The following KCNIP4 variants were observed in gnomAD, a reference collection of about 807,000 sequenced individuals.
KCNIP4 encodes Kv channel-interacting protein 4.
Under a neutral mutation model 34.0 loss-of-function variants are expected in KCNIP4, and 12 were observed. That is an observed-to-expected ratio of 0.35 (90% confidence interval 0.23 to 0.57). KCNIP4 has a LOEUF of 0.57. KCNIP4 is among the 20% of genes least tolerant of loss of function. The pLI, the probability that KCNIP4 is intolerant of heterozygous loss-of-function variation, is 0.83. For synonymous variants in KCNIP4, 124 were observed against 102.2 expected, an observed-to-expected ratio of 1.21 and a Z score of -1.29; for missense variants, 238 against 311.7, an observed-to-expected ratio of 0.76 and a Z score of 1.78.
intron 1 of KCNIP4, among the ~76,000 whole-genome samples, chr4:21,855,389 C>T (rs938829633): frequency 6.6e-6 from 1 of 152,192 alleles, no homozygotes; most frequent in African/African-American, 2.4e-5. Context: ...AGTGTCTAAA[C>T]CGCTGAAGCT....
intron 4 of KCNIP4, among the ~76,000 whole-genome samples, chr4:20,756,603 C>T (rs1386234565): frequency 6.6e-6 from 1 of 151,884 alleles, no homozygotes; most frequent in African/African-American, 2.4e-5. Context: ...CTGTTTTCTT[C>T]TCATCGTCCT....
chr4:21,302,706 C>T (rs1024674429), intron 1 of KCNIP4, among the ~76,000 whole-genome samples: 1 of 152,056 alleles, frequency 6.6e-6, no homozygotes, highest in Non-Finnish European at 1.5e-5. Context: ...CCGCCTCCTG[C>T]GCCCTGCATC....
At chr4:21,677,380 T>G (rs1178028462) in intron 1 of KCNIP4, among the ~76,000 whole-genome samples, 1 of 152,194 alleles carries the variant, frequency 6.6e-6, no homozygotes, top group African/African-American at 2.4e-5. Context: ...TCACAGAAGG[T>G]TCCTCACTGG....
At chr4:21,419,080 G>A (rs902368872) in intron 1 of KCNIP4, among the ~76,000 whole-genome samples, 5 of 152,144 alleles carry the variant, frequency 3.3e-5, no homozygotes, top group African/African-American at 1.2e-4. Flanking sequence ...AATGCACTAT[G>A]CATGGAATAC....
intron 1 of KCNIP4, among the ~76,000 whole-genome samples, chr4:21,300,378 G>C (rs1711542717): frequency 6.6e-6 from 1 of 152,114 alleles, no homozygotes; most frequent in Admixed American, 6.5e-5. Context: ...TAAGTAGAGA[G>C]AGTCTATGAA....
At chr4:21,123,671 C>G (rs1179472110) in intron 1 of KCNIP4, among the ~76,000 whole-genome samples, 3 of 152,078 alleles carry the variant, frequency 2.0e-5, no homozygotes, top group African/African-American at 7.2e-5. Flanking sequence ...CTAAAATTCA[C>G]ACGTTGAAGC....
intron 1 of KCNIP4, among the ~76,000 whole-genome samples, chr4:21,130,778 A>G (rs1279914874): frequency 6.6e-6 from 1 of 152,238 alleles, no homozygotes; most frequent in African/African-American, 2.4e-5. Context: ...ATAAAGTTAA[A>G]CATATGCATA....
chr4:21,842,120 T>C (rs543310180), intron 1 of KCNIP4, among the ~76,000 whole-genome samples: 7 of 152,176 alleles, frequency 4.6e-5, no homozygotes, highest in Non-Finnish European at 8.8e-5. Context: ...CAATAAAATA[T>C]ATTATTTGCT....
chr4:21,694,943 A>AAAAAAAAAAAAAAAAAAAAAC (rs1560637409), intron 1 of KCNIP4, among the ~76,000 whole-genome samples: 5 of 45,334 alleles, frequency 1.1e-4, no homozygotes, highest in African/African-American at 2.8e-4. Context: ...AAAATAAATA[A>AAAAAAAAAAAAAAAAAAAAAC]ATAAATAAAG....
At chr4:21,912,556 T>C (rs1425850890) in intron 1 of KCNIP4, among the ~76,000 whole-genome samples, 2 of 152,094 alleles carry the variant, frequency 1.3e-5, no homozygotes, top group Non-Finnish European at 2.9e-5. Flanking sequence ...AAATACAATA[T>C]ACTGGAAGGG....
chr4:21,868,586 T>C (rs1725569944), intron 1 of KCNIP4, among the ~76,000 whole-genome samples: 1 of 152,158 alleles, frequency 6.6e-6, no homozygotes, highest in African/African-American at 2.4e-5. Context: ...CTAAGGTACT[T>C]GAAAGAGTGT....
At chr4:20,866,575 C>A (rs1467032973) in intron 2 of KCNIP4, among the ~76,000 whole-genome samples, 2 of 151,960 alleles carry the variant, frequency 1.3e-5, no homozygotes, top group African/African-American at 4.8e-5. Context: ...AAAGCTCCAA[C>A]CATTCTTCTT....
intron 1 of KCNIP4, among the ~76,000 whole-genome samples, chr4:21,241,693 T>C (rs1360162082): frequency 6.6e-6 from 1 of 152,178 alleles, no homozygotes; most frequent in African/African-American, 2.4e-5. Flanking sequence ...TAAGATGAAA[T>C]GGGCATTATT....
intron 2 of KCNIP4, among the ~76,000 whole-genome samples, chr4:20,864,179 T>TATGCATACACATGTATGTATACATATCC (rs1722583235): frequency 1.5e-5 from 1 of 66,028 alleles, no homozygotes; most frequent in Non-Finnish European, 3.9e-5. Flanking sequence ...TATACACATG[T>TATGCATACACATGTATGTATACATATCC]ATGTATGCGT....
At chr4:20,780,177 G>A (rs1472663707) in intron 3 of KCNIP4, among the ~76,000 whole-genome samples, 2 of 152,176 alleles carry the variant, frequency 1.3e-5, no homozygotes, top group Non-Finnish European at 2.9e-5. Context: ...TCAATGAGCA[G>A]AATGTAGTGA....
chr4:20,775,078 G>T (rs566564294), intron 3 of KCNIP4, among the ~76,000 whole-genome samples: 2 of 152,132 alleles, frequency 1.3e-5, no homozygotes, highest in South Asian at 2.1e-4. Context: ...ATTATTTAGC[G>T]TCTACTGTGT....
chr4:21,647,463 C>T (rs1169512365), intron 1 of KCNIP4, among the ~76,000 whole-genome samples: 4 of 152,088 alleles, frequency 2.6e-5, no homozygotes, highest in Non-Finnish European at 5.9e-5. Context: ...ACCCTTACTC[C>T]GTGCTTATCA....
chr4:21,847,222 C>T (rs1447872664), intron 1 of KCNIP4: 2 of 152,104 alleles, frequency 1.3e-5, no homozygotes, highest in African/African-American at 2.4e-5. Flanking sequence ...CCCTGACAAT[C>T]TCAGGTTAGT....
chr4:21,099,295 T>G (rs1747732881), intron 1 of KCNIP4, among the ~76,000 whole-genome samples: 2 of 152,102 alleles, frequency 1.3e-5, no homozygotes, highest in African/African-American at 4.8e-5. Context: ...GCCATAAAAA[T>G]GAATAAGATC....
Sources: gnomAD v4.1 joint callset for allele counts (sites outside exome capture counted in the v4.1 genomes callset) on GRCh38, gnomAD v4.1.1 for gene constraint, MANE v1.5 for transcripts, NCBI Gene and HGNC (gene_info 2026-07-23, HGNC 2026-07-21) for gene names.